SLCO3A1: variants seen among roughly 807,000 people sequenced by gnomAD.
The protein encoded by SLCO3A1 is solute carrier organic anion transporter family member 3A1, also known as PGE1 transporter.
A neutral mutation model predicts 63.1 loss-of-function variants in SLCO3A1; 27 were observed. The ratio of observed to expected loss-of-function variants is 0.43; its 90% CI spans 0.32 to 0.59. SLCO3A1 has a LOEUF of 0.59. SLCO3A1 is among the 20% of genes least tolerant of loss of function. SLCO3A1 has a pLI of 0.09. For missense variants in SLCO3A1, 773 were observed against 945.8 expected, an observed-to-expected ratio of 0.82 and a Z score of 2.40; for synonymous variants, 473 against 409.9, an observed-to-expected ratio of 1.15 and a Z score of -1.86.
intron 1 of SLCO3A1, among the ~76,000 whole-genome samples, chr15:91,893,770 A>G (rs915238776): frequency 7.2e-5 from 11 of 152,160 alleles, no homozygotes; most frequent in African/African-American, 2.4e-4. Context: ...TTTTTCTTCT[A>G]TTTATCCATC....
intron 1 of SLCO3A1, among the ~76,000 whole-genome samples, chr15:91,880,164 TCCATCC>T (rs1567168750): frequency 6.6e-4 from 100 of 150,780 alleles, no homozygotes; most frequent in African/African-American, 2.2e-3. Context: ...CATCCATCCA[TCCATCC>T]ATCTATCTAT....
chr15:92,122,043 A>T (rs146196321), intron 5 of SLCO3A1, among the ~76,000 whole-genome samples: 1 of 152,248 alleles, frequency 6.6e-6, no homozygotes, highest in African/African-American at 2.4e-5. Flanking sequence ...GGCCTGTGGC[A>T]TGTGTTGGAG....
At chr15:91,943,203 A>T (rs1899683227) in intron 2 of SLCO3A1, among the ~76,000 whole-genome samples, 1 of 152,202 alleles carries the variant, frequency 6.6e-6, no homozygotes, top group South Asian at 2.1e-4. Flanking sequence ...TTCGTGTTGC[A>T]AAACCGAAAC....
At chr15:92,157,531 C>A (rs1372054795) in intron 9 of SLCO3A1, among the ~76,000 whole-genome samples, 1 of 149,426 alleles carries the variant, frequency 6.7e-6, no homozygotes, top group African/African-American at 2.5e-5. Context: ...CAGTCTGTCA[C>A]GCAGGATGGA....
intron 2 of SLCO3A1, among the ~76,000 whole-genome samples, chr15:91,973,560 A>C (rs1436275909): frequency 6.6e-6 from 1 of 152,208 alleles, no homozygotes; most frequent in East Asian, 1.9e-4. Context: ...AAGTTGAGTG[A>C]GCGATTGCAG....
chr15:91,976,089 C>T (rs1046330893), intron 2 of SLCO3A1, among the ~76,000 whole-genome samples: 5 of 152,114 alleles, frequency 3.3e-5, no homozygotes, highest in East Asian at 1.9e-4. Context: ...AAATAATTAG[C>T]AATGCTGCAT....
At chr15:92,095,046 A>C in intron 3 of SLCO3A1, 67 bp downstream of exon 3, 1 of 1,111,684 alleles carries the variant, frequency 9.0e-7, no homozygotes, top group Non-Finnish European at 1.4e-6. Context: ...ATGCGGCTTC[A>C]GCCTGTGGGT....
intron 8 of SLCO3A1, chr15:92,149,667 G>C (rs763759206): frequency 6.6e-6 from 1 of 152,178 alleles, no homozygotes; most frequent in African/African-American, 2.4e-5. Context: ...AGCCCTCCCC[G>C]TTTCTTCATG....
chr15:92,084,409 A>AT (rs1203786231), intron 2 of SLCO3A1, among the ~76,000 whole-genome samples: 1 of 152,150 alleles, frequency 6.6e-6, no homozygotes, highest in Non-Finnish European at 1.5e-5. Flanking sequence ...GGAGGTAGGG[A>AT]TTGTTGTCAT....
intron 1 of SLCO3A1, among the ~76,000 whole-genome samples, chr15:91,915,381 C>T (rs1328328309): frequency 6.6e-6 from 1 of 152,154 alleles, no homozygotes; most frequent in African/African-American, 2.4e-5. Flanking sequence ...TTAGAACAGT[C>T]AGGGGTGTAT....
At chr15:92,000,974 C>T (rs1395551776) in intron 2 of SLCO3A1, among the ~76,000 whole-genome samples, 5 of 152,082 alleles carry the variant, frequency 3.3e-5, no homozygotes, top group Non-Finnish European at 5.9e-5. Context: ...TCATCGAGAG[C>T]AAGGCTGATC....
intron 1 of SLCO3A1, among the ~76,000 whole-genome samples, chr15:91,890,303 A>T (rs958254672): frequency 1.1e-4 from 17 of 152,182 alleles, no homozygotes; most frequent in African/African-American, 4.1e-4. Flanking sequence ...ATCCATTTTC[A>T]TCTTCTTGCT....
chr15:92,039,315 T>C (rs1424680730), intron 2 of SLCO3A1, among the ~76,000 whole-genome samples: 3 of 152,184 alleles, frequency 2.0e-5, no homozygotes, highest in Non-Finnish European at 4.4e-5. Context: ...AGAAAAATTT[T>C]GCAATCTACC....
intron 2 of SLCO3A1, among the ~76,000 whole-genome samples, chr15:92,043,814 G>A (rs1006045165): frequency 1.3e-5 from 2 of 152,164 alleles, no homozygotes; most frequent in African/African-American, 2.4e-5. Context: ...CCAAGAGGTC[G>A]AAATTATAAC....
chr15:91,947,331 T>A (rs1899843611), intron 2 of SLCO3A1, among the ~76,000 whole-genome samples: 1 of 152,230 alleles, frequency 6.6e-6, no homozygotes, highest in Non-Finnish European at 1.5e-5. Flanking sequence ...GAATTCCAAT[T>A]CTGTGAAATT....
At chr15:91,927,626 G>A (rs1408234554) in intron 2 of SLCO3A1, among the ~76,000 whole-genome samples, 2 of 152,138 alleles carry the variant, frequency 1.3e-5, no homozygotes, top group African/African-American at 4.8e-5. Context: ...GCTCTCCAAG[G>A]AGAGATACTT....
intron 3 of SLCO3A1, chr15:92,097,808 G>A (rs947386229): frequency 3.9e-5 from 6 of 152,242 alleles, no homozygotes; most frequent in African/African-American, 9.7e-5. Flanking sequence ...TAGGGAGTCA[G>A]CCATAGAATT....
intron 2 of SLCO3A1, among the ~76,000 whole-genome samples, chr15:91,972,578 A>G (rs555084547): frequency 7.9e-4 from 120 of 152,300 alleles, no homozygotes; most frequent in Non-Finnish European, 1.5e-3. Context: ...TAAGCCACCC[A>G]GGCTGTTGTA....
At chr15:92,001,062 C>T (rs1285882245) in intron 2 of SLCO3A1, among the ~76,000 whole-genome samples, 1 of 152,154 alleles carries the variant, frequency 6.6e-6, no homozygotes, top group Non-Finnish European at 1.5e-5. Flanking sequence ...CTCTCCCCAG[C>T]TTGCATACCT....
Sources: allele counts gnomAD v4.1 joint callset (sites outside exome capture counted in the v4.1 genomes callset), GRCh38; gene constraint gnomAD v4.1.1; transcripts MANE v1.5; gene names NCBI Gene and HGNC (gene_info 2026-07-23, HGNC 2026-07-21).